SHLD1: variants seen among roughly 807,000 people sequenced by gnomAD.
The protein encoded by SHLD1 is shieldin complex subunit 1, also known as RINN1-REV7-interacting novel NHEJ regulator 3.
SHLD1 carries 3 observed loss-of-function variants against 5.5 expected under a neutral mutation model. That is an observed-to-expected ratio of 0.54 (90% CI 0.25 to 1.40). The LOEUF (loss-of-function observed/expected upper bound fraction) is 1.40. Among genes scored for constraint, SHLD1 ranks in the 40% most tolerant of loss-of-function variants. The pLI, the probability that SHLD1 is intolerant of heterozygous loss-of-function variation, is 0.15. For missense variants in SHLD1, 210 were observed against 244.4 expected, an observed-to-expected ratio of 0.86 and a Z score of 0.94; for synonymous variants, 92 against 94.3, an observed-to-expected ratio of 0.98 and a Z score of 0.14.
chr20:5,815,872 G>A (rs1356379863), intron 2 of SHLD1, among the ~76,000 whole-genome samples: 1 of 152,108 alleles, frequency 6.6e-6, no homozygotes, highest in African/African-American at 2.4e-5. Flanking sequence ...CTTGAGGCCG[G>A]GAGTTTGAGA....
intron 1 of SHLD1, among the ~76,000 whole-genome samples, chr20:5,766,427 G>A (rs1984832046): frequency 6.6e-6 from 1 of 152,194 alleles, no homozygotes; most frequent in African/African-American, 2.4e-5. Context: ...TCTCACTGTT[G>A]ATTTGTTTTA....
chr20:5,818,080 TTTTTTTTA>T (rs1178149656), intron 2 of SHLD1, among the ~76,000 whole-genome samples: 3 of 151,314 alleles, frequency 2.0e-5, no homozygotes, highest in East Asian at 1.9e-4. Flanking sequence ...TTTTTCTTTC[TTTTTTTTA>T]TTTTTTTATT....
At chr20:5,841,846 G>A (rs2087865746) in intron 2 of SHLD1, among the ~76,000 whole-genome samples, 1 of 152,108 alleles carries the variant, frequency 6.6e-6, no homozygotes, top group African/African-American at 2.4e-5. Context: ...ATCTTTGTCT[G>A]TGGGCCAATG....
intron 1 of SHLD1, among the ~76,000 whole-genome samples, chr20:5,764,066 G>T (rs528526675): frequency 6.9e-6 from 1 of 145,112 alleles, no homozygotes; most frequent in East Asian, 2.0e-4. Flanking sequence ...GGCGGAGGCT[G>T]CTGTGAGTCG....
At chr20:5,833,059 C>G (rs1186412865) in intron 2 of SHLD1, among the ~76,000 whole-genome samples, 3 of 152,062 alleles carry the variant, frequency 2.0e-5, no homozygotes, top group Admixed American at 6.6e-5. Context: ...TGACCTGGAG[C>G]TCCTGGGCTG....
At chr20:5,778,525 T>G (rs765839580) in intron 2 of SHLD1, among the ~76,000 whole-genome samples, 3 of 150,626 alleles carry the variant, frequency 2.0e-5, no homozygotes, top group Non-Finnish European at 2.9e-5. Flanking sequence ...GAGAATCACT[T>G]GAGCCTGGGA....
At chr20:5,759,349 T>C (rs982298726) in intron 1 of SHLD1, among the ~76,000 whole-genome samples, 3 of 152,006 alleles carry the variant, frequency 2.0e-5, no homozygotes, top group African/African-American at 7.2e-5. Context: ...AACCTCTGCC[T>C]CTTGGCTTCA....
chr20:5,758,450 G>A (rs1388315979), intron 1 of SHLD1, among the ~76,000 whole-genome samples: 8 of 150,506 alleles, frequency 5.3e-5, no homozygotes, highest in East Asian at 1.9e-4. Context: ...ATGGAGTCTC[G>A]CTCTGTTGTC....
chr20:5,841,618 TTAA>T (rs1311428982), intron 2 of SHLD1, among the ~76,000 whole-genome samples: 1 of 152,236 alleles, frequency 6.6e-6, no homozygotes, highest in Non-Finnish European at 1.5e-5. Flanking sequence ...TTCTAAAATG[TTAA>T]TAAGGCAGTA....
intron 2 of SHLD1, among the ~76,000 whole-genome samples, chr20:5,832,311 C>T (rs376074602): frequency 6.6e-6 from 1 of 152,172 alleles, no homozygotes; most frequent in African/African-American, 2.4e-5. Context: ...AAAAGCTCCT[C>T]GGGCAGAGTG....
In SHLD1 at chr20:5,855,242, A is replaced by C. The variant is rs928684330; in HGVS notation, c.179-7782A>C. Among the ~76,000 whole-genome samples, 2 of 151,818 alleles carry C rather than the reference A, an allele frequency of 1.3e-5. No individual in the cohort carries two copies. Among genetic ancestry groups the C allele is most frequent in the South Asian group, 4.2e-4 (2 of 4,806 alleles). ...AGTGGAATCATACAGTATTTTTCCTATTGTGGCTGGCTTATTTCACTTAGC... is the reference window on the plus strand; with the variant it reads ...AGTGGAATCATACAGTATTTTTCCTCTTGTGGCTGGCTTATTTCACTTAGC... On this transcript the variant is annotated intron_variant, in intron 2 of 2. Coordinates refer to ENST00000303142, the MANE Select transcript of SHLD1 (RefSeq NM_152504.4). This position sits in a 1 kb window ranked among gnomAD's most constrained non-coding sequence, Gnocchi z 4.4.
chr20:5,836,593 A>G (rs1202335707), intron 2 of SHLD1, among the ~76,000 whole-genome samples: 1 of 152,100 alleles, frequency 6.6e-6, no homozygotes, highest in South Asian at 2.1e-4. Flanking sequence ...GGATATTCGC[A>G]TTGCCCGCTC....
chr20:5,831,727 ATC>A (rs368300547), intron 2 of SHLD1, among the ~76,000 whole-genome samples: 20 of 149,728 alleles, frequency 1.3e-4, no homozygotes, highest in East Asian at 5.9e-4. Context: ...AATCCCTTTG[ATC>A]TCTCTCTCTC....
intron 2 of SHLD1, among the ~76,000 whole-genome samples, chr20:5,824,389 G>A (rs1335941827): frequency 1.3e-5 from 2 of 151,968 alleles, no homozygotes; most frequent in Non-Finnish European, 2.9e-5. Flanking sequence ...TTTCATTATG[G>A]CATTTATCAC....
chr20:5,799,008 C>T (rs1343272025), intron 2 of SHLD1, among the ~76,000 whole-genome samples: 2 of 152,048 alleles, frequency 1.3e-5, no homozygotes, highest in African/African-American at 2.4e-5. Flanking sequence ...CTCTACATGG[C>T]AACATGGCAA....
intron 1 of SHLD1, chr20:5,771,863 CTTTTTTTTTTTTTTT>C (rs34145480): frequency 1.1e-4 from 9 of 79,424 alleles, no homozygotes; most frequent in South Asian, 7.2e-4. Context: ...GAACTTTTAC[CTTTTTTTTTTTTTTT>C]TTTTTTTTTT....
chr20:5,839,685 T>TA (rs970285899), intron 2 of SHLD1, among the ~76,000 whole-genome samples: 3 of 152,234 alleles, frequency 2.0e-5, no homozygotes, highest in African/African-American at 4.8e-5. Flanking sequence ...AGAGGCTAAA[T>TA]AACTGTCATT....
chr20:5,844,355 G>A lies in SHLD1; in HGVS notation c.179-18669G>A, dbSNP rs192052993. Among the ~76,000 whole-genome samples, 373 of 152,238 alleles carry A rather than the reference G, an allele frequency of 2.5e-3. 3 individuals carry two copies. Among genetic ancestry groups the A allele is most frequent in the African/African-American group, 8.5e-3 (354 of 41,542 alleles). ...GAAGCTCTTTGCTTGATTAATAGCT[G>A]TCATCAACTTACAAAAACCACTGCC... is the stretch of plus-strand genomic sequence containing the variant. On this transcript the variant is annotated intron_variant, in intron 2 of 2. Transcript: ENST00000303142.
chr20:5,750,617 C>T (rs1262371436), intron 1 of SHLD1, 138 bp downstream of exon 1: 2 of 152,184 alleles, frequency 1.3e-5, no homozygotes, highest in African/African-American at 4.8e-5. Flanking sequence ...GCTCCCCGCC[C>T]CTTCCGCCCC....
Sources: gnomAD v4.1 joint callset for allele counts (sites outside exome capture counted in the v4.1 genomes callset) on GRCh38, gnomAD v4.1.1 for gene constraint, Gnocchi (gnomAD v3.1) non-coding constraint, MANE v1.5 for transcripts, NCBI Gene and HGNC (gene_info 2026-07-23, HGNC 2026-07-21) for gene names.